Variants in PTPRD observed in about 807,000 individuals in gnomAD.
PTPRD encodes protein tyrosine phosphatase receptor type D, also known as receptor-type tyrosine-protein phosphatase delta.
PTPRD carries 34 observed loss-of-function variants against 214.5 expected under a neutral mutation model. The ratio of observed to expected loss-of-function variants is 0.16; its 90% confidence interval spans 0.12 to 0.21. The LOEUF is 0.21. Among genes scored for constraint, PTPRD ranks in the 10% least tolerant of loss-of-function variants. The pLI, the probability that PTPRD is intolerant of heterozygous loss-of-function variation, is 1.00. For missense variants in PTPRD, 2,545 were observed against 2,398.7 expected, an observed-to-expected ratio of 1.06 and a Z score of -1.27; for synonymous variants, 1,128 against 845.7, an observed-to-expected ratio of 1.33 and a Z score of -5.79.
At chr9:9,998,651 G>C (rs776546790) in intron 4 of PTPRD, among the ~76,000 whole-genome samples, 4 of 152,056 alleles carry the variant, frequency 2.6e-5, no homozygotes, top group Admixed American at 6.6e-5. Flanking sequence ...CTCTAGGGGA[G>C]CTCTAAGCTA....
intron 2 of PTPRD, among the ~76,000 whole-genome samples, chr9:10,393,831 T>A (rs1410733279): frequency 6.7e-6 from 1 of 148,558 alleles, no homozygotes; most frequent in Non-Finnish European, 1.5e-5. Flanking sequence ...TTTTATATGA[T>A]TCGAAGTAAT....
At chr9:8,636,897 T>C (rs1320529430) in intron 12 of PTPRD, 53 bp from the exon 13 acceptor site, 23 of 1,577,142 alleles carry the variant, frequency 1.5e-5, no homozygotes, top group Admixed American at 1.0e-4. Context: ...ATACAGACTA[T>C]TATCCTACTA....
At chr9:8,352,032 C>A (rs2075635182) in intron 39 of PTPRD, among the ~76,000 whole-genome samples, 1 of 150,752 alleles carries the variant, frequency 6.6e-6, no homozygotes, top group Non-Finnish European at 1.5e-5. Flanking sequence ...TCCTAAAAAA[C>A]CAAAACTCCG....
intron 6 of PTPRD, among the ~76,000 whole-genome samples, chr9:9,766,032 T>C (rs949737800): frequency 2.6e-5 from 4 of 152,228 alleles, no homozygotes; most frequent in Non-Finnish European, 4.4e-5. Context: ...GCCGTGATAA[T>C]TAATAGCTCC....
intron 3 of PTPRD, among the ~76,000 whole-genome samples, chr9:10,276,225 G>A (rs143318059): frequency 1.1e-3 from 171 of 152,328 alleles, no homozygotes; most frequent in Middle Eastern, 6.8e-3. Flanking sequence ...TCCAGCCATT[G>A]CTTTCATTTG....
intron 2 of PTPRD, among the ~76,000 whole-genome samples, chr9:10,514,755 T>C (rs539082631): frequency 6.6e-6 from 1 of 152,126 alleles, no homozygotes; most frequent in East Asian, 1.9e-4. Flanking sequence ...AGATAGTTTG[T>C]TGTTGATGTA....
intron 7 of PTPRD, among the ~76,000 whole-genome samples, chr9:9,708,949 C>G (rs2097676352): frequency 6.6e-6 from 1 of 151,938 alleles, no homozygotes; most frequent in Non-Finnish European, 1.5e-5. Flanking sequence ...TTCTTAGAGA[C>G]TCTCCAGATT....
At chr9:10,582,207 GT>G (rs1471273222) in intron 2 of PTPRD, among the ~76,000 whole-genome samples, 1 of 152,090 alleles carries the variant, frequency 6.6e-6, no homozygotes, top group Non-Finnish European at 1.5e-5. Flanking sequence ...CGGTGAAACT[GT>G]TTATCAACAA....
At chr9:8,565,691 G>A (rs1048450684) in intron 14 of PTPRD, among the ~76,000 whole-genome samples, 2 of 152,108 alleles carry the variant, frequency 1.3e-5, no homozygotes, top group Non-Finnish European at 2.9e-5. Context: ...AAAAGATTCA[G>A]TTTCTTCCAT....
chr9:8,396,132 T>A (rs1198066176), intron 36 of PTPRD, among the ~76,000 whole-genome samples: 1 of 129,132 alleles, frequency 7.7e-6, no homozygotes, highest in East Asian at 7.4e-4. Flanking sequence ...ATGCTCAGTC[T>A]CCTCATCACT....
At chr9:9,536,694 C>T (rs1300339683) in intron 8 of PTPRD, among the ~76,000 whole-genome samples, 2 of 151,992 alleles carry the variant, frequency 1.3e-5, no homozygotes, top group Non-Finnish European at 2.9e-5. Flanking sequence ...CATCAGAAGC[C>T]TGCCAGGGCT....
intron 8 of PTPRD, among the ~76,000 whole-genome samples, chr9:9,470,913 T>A (rs1253404016): frequency 6.6e-6 from 1 of 152,204 alleles, no homozygotes; most frequent in African/African-American, 2.4e-5. Context: ...TCTTCAATCA[T>A]AAATGATTGG....
chr9:9,002,141 T>C (rs1289244213), intron 11 of PTPRD, among the ~76,000 whole-genome samples: 1 of 152,050 alleles, frequency 6.6e-6, no homozygotes, highest in Non-Finnish European at 1.5e-5. Flanking sequence ...TGATTCATAA[T>C]ACCTTATACC....
At chr9:9,002,704 T>C (rs1327270564) in intron 11 of PTPRD, among the ~76,000 whole-genome samples, 1 of 152,078 alleles carries the variant, frequency 6.6e-6, no homozygotes, top group Admixed American at 6.6e-5. Context: ...GGCTTCCGCC[T>C]ACTTCTTTGC....
Position 10,060,597 on chromosome 9 carries a change from G to A in PTPRD, c.-544-26807C>T, listed in dbSNP as rs180942480. Among the ~76,000 whole-genome samples, 5 of 152,012 alleles carry A rather than the reference G, an allele frequency of 3.3e-5. No homozygotes were observed. In the South Asian group the frequency reaches 6.2e-4, roughly 19 times the overall value. ...AATGTACATAAAAGGGAAATACAGT[G>A]TTAAAAGCAAATTGCATTTTTAATT... On this transcript the variant is annotated intron_variant, in intron 3 of 45. Transcript: ENST00000381196.
At chr9:9,053,117 T>C (rs1017984219) in intron 10 of PTPRD, among the ~76,000 whole-genome samples, 2 of 152,172 alleles carry the variant, frequency 1.3e-5, no homozygotes, top group Non-Finnish European at 2.9e-5. Context: ...ATATTCATTT[T>C]TGCTTCCTGA....
At chr9:9,809,533 G>C (rs538925530) in intron 5 of PTPRD, among the ~76,000 whole-genome samples, 2 of 152,200 alleles carry the variant, frequency 1.3e-5, no homozygotes, top group South Asian at 4.1e-4. Context: ...CAAAGTGCTG[G>C]GATTACAGGC....
rs377707880 is a variant in PTPRD at position 10,362,663 on chromosome 9, C to T, written c.-599-21646G>A. Among the ~76,000 whole-genome samples, 860 of 152,112 alleles carry T rather than the reference C, an allele frequency of 5.7e-3. 5 individuals carry two copies. The highest frequency in any genetic ancestry group is 0.02 in the African/African-American group (821 of 41,500). ...TTGGGAGGCCGAGGCTGGCAGATCA[C>T]GAGGTCAGGAGATCGAGACCAGCCT... On this transcript the variant is annotated intron_variant, in intron 2 of 45. Coordinates refer to ENST00000381196, the MANE Select transcript of PTPRD (RefSeq NM_002839.4).
chr9:8,703,013 T>C (rs2098124047), intron 12 of PTPRD, among the ~76,000 whole-genome samples: 1 of 152,226 alleles, frequency 6.6e-6, no homozygotes, highest in Admixed American at 6.5e-5. Context: ...TTTGTATTAT[T>C]CATAAAGACA....
Sources: allele counts gnomAD v4.1 joint callset (sites outside exome capture counted in the v4.1 genomes callset), GRCh38; gene constraint gnomAD v4.1.1; transcripts MANE v1.5; gene names NCBI Gene and HGNC (gene_info 2026-07-23, HGNC 2026-07-21).